Variants in SYDE2 observed in about 807,000 individuals in gnomAD.
SYDE2 encodes rho GTPase-activating protein SYDE2.
Under a neutral mutation model 91.5 loss-of-function variants are expected in SYDE2, and 76 were observed. The observed-to-expected ratio is 0.83, with a 90% confidence interval of 0.69 to 1.01. The LOEUF (loss-of-function observed/expected upper bound fraction) is 1.01, where lower values mean the gene tolerates loss of function less well. Among genes scored for constraint, SYDE2 ranks in the 50% least tolerant of loss-of-function variants. The probability of loss-of-function intolerance (pLI) is 0.00; values close to 1 mark genes in which losing one functional copy is unlikely to be tolerated. For synonymous variants in SYDE2, 513 were observed against 506.4 expected (o/e 1.01, Z -0.18); for missense variants, 1,364 against 1,367.7 (o/e 1.00, Z 0.04).
Position 85,190,527 on chromosome 1 carries a change from T to G in SYDE2, c.971A>C (p.His324Pro). 1.2e-6 allele frequency: 2 copies of G among 1,614,028 alleles called. No individual in the cohort carries two copies. The highest frequency in any genetic ancestry group is 2.2e-5 in the South Asian group (2 of 91,086). Residue 324 changes from histidine to proline, a missense_variant, in exon 2 of 7, where the codon CAT (histidine) becomes CCT (proline). Physicochemically the swap from His to Pro is moderately conservative, Grantham distance 77. Transcript: ENST00000341460. ...LSISPVSLPK[H>P]QLSQSFLKSS... ...TTTGAGGAAAGACTGTGATAGCTGATGTTTAGGTAGAGACACAGGTGAGAT... is the reference window on the plus strand; with the variant it reads ...TTTGAGGAAAGACTGTGATAGCTGAGGTTTAGGTAGAGACACAGGTGAGAT...
chr1:85,163,452 T>C (rs1161857598), intron 6 of SYDE2, among the ~76,000 whole-genome samples: 1 of 108,346 alleles, frequency 9.2e-6, no homozygotes, highest in Non-Finnish European at 1.7e-5. Flanking sequence ...AATCTATATA[T>C]ATATATATAT....
At chr1:85,174,758 A>G (rs1167097051) in intron 4 of SYDE2, among the ~76,000 whole-genome samples, 1 of 152,108 alleles carries the variant, frequency 6.6e-6, no homozygotes, top group African/African-American at 2.4e-5. Flanking sequence ...TGCTAAGTCT[A>G]TGACCATTCC....
chr1:85,200,409 G>C lies in SYDE2; in HGVS notation c.588C>G (p.Tyr196Ter). The change falls in exon 1 of 7, where the codon TAC becomes TAG. Residue 196 changes from tyrosine to a stop codon, truncating the protein, a stop_gained. Coordinates refer to ENST00000341460, the MANE Select transcript of SYDE2 (RefSeq NM_032184.2). LOFTEE classifies it high-confidence loss of function. The part of the protein sequence containing the change: ...VTVKKLQKWM[Y>*]KGRLLSLGMK... ...TTCCCAGGGACAGCAGACGCCCTTT[G>C]TACATCCACTTCTGCAGCTTCTTGA... is the stretch of plus-strand genomic sequence containing the variant. 1 of 1,614,034 alleles carries C rather than the reference G, an allele frequency of 6.2e-7. No individual in the cohort carries two copies. The highest frequency in any genetic ancestry group is 2.2e-5 in the East Asian group (1 of 44,872).
chr1:85,189,266 CG>C (rs1442595672), intron 2 of SYDE2, among the ~76,000 whole-genome samples: 3 of 152,090 alleles, frequency 2.0e-5, no homozygotes, highest in Non-Finnish European at 2.9e-5. Context: ...TACTGTAGCA[CG>C]TATTTGCAAG....
At chr1:85,179,121 G>A (rs557826298) in intron 3 of SYDE2, among the ~76,000 whole-genome samples, 2 of 152,290 alleles carry the variant, frequency 1.3e-5, no homozygotes, top group South Asian at 4.1e-4. Context: ...AAAAAAACTT[G>A]AGGAGAGAAT....
chr1:85,168,155 G>C (rs1476399668), intron 5 of SYDE2, among the ~76,000 whole-genome samples: 1 of 151,726 alleles, frequency 6.6e-6, no homozygotes, highest in Non-Finnish European at 1.5e-5. Context: ...TGGGAAACCA[G>C]TATCTCTACT....
At chr1:85,154,835 G>A (rs184926832), downstream of SYDE2, among the ~76,000 whole-genome samples, 2 of 151,986 alleles carry the variant, frequency 1.3e-5, no homozygotes, top group East Asian at 3.9e-4. Flanking sequence ...AGAAAAATGA[G>A]TTTGAACATA....
At position 85,200,941 on chromosome 1, in the gene SYDE2, T is replaced by G; in HGVS notation, c.56A>C (p.Asp19Ala). 7.6e-7 allele frequency: 1 copy of G among 1,320,818 alleles called. No homozygotes were observed. The allele number at this position is 1,320,818 out of a possible 1,614,324, so 81.8% of individuals were successfully genotyped here. A position where few individuals can be genotyped will look rare whatever the true frequency, so the allele number is the denominator to read the frequency against. ...CCGGGCTCCCGCGGGGAAGCTGTGATCCGCCAAGCCCCTGCCGCCCCGCCG... is the reference window on the plus strand; with the variant it reads ...CCGGGCTCCCGCGGGGAAGCTGTGAGCCGCCAAGCCCCTGCCGCCCCGCCG... Reference protein sequence around the residue: ...GARRGGRGLADHSFPAGARAP... With the variant: ...GARRGGRGLAAHSFPAGARAP... Residue 19 changes from aspartate to alanine, a missense_variant, in exon 1 of 7, where the codon GAT becomes GCT. By Grantham distance (126) the Asp-to-Ala change is moderately radical. Coordinates refer to ENST00000341460, the MANE Select transcript of SYDE2 (RefSeq NM_032184.2).
chr1:85,165,707 G>A (rs889108687), intron 5 of SYDE2, among the ~76,000 whole-genome samples: 1 of 151,584 alleles, frequency 6.6e-6, no homozygotes, highest in Non-Finnish European at 1.5e-5. Flanking sequence ...ACTAGTAAGG[G>A]GAGTTGGCTC....
chr1:85,190,093 C>T lies in SYDE2; in HGVS notation c.1405G>A (p.Val469Met), dbSNP rs769112769. 3.7e-6 allele frequency: 6 copies of T among 1,613,528 alleles called. No individual in the cohort carries two copies. In the Admixed American group the frequency reaches 1.0e-4, roughly 27 times the overall value. ...GATTTCAACATGGGACTGTCCTCCA[C>T]CATTATACCTTCTTGTGTCTTGTGT... The part of the protein sequence containing the change: ...LGHKTQEGIM[V>M]EDSPMLKSPF... The change falls in exon 2 of 7, where the codon GTG becomes ATG. Residue 469 changes from valine to methionine, a missense_variant. Transcript: ENST00000341460.
intron 4 of SYDE2, among the ~76,000 whole-genome samples, 169 bp downstream of exon 4, chr1:85,177,977 T>C (rs991991077): frequency 5.3e-5 from 8 of 152,188 alleles, no homozygotes; most frequent in African/African-American, 1.9e-4. Flanking sequence ...CAAGGGACCA[T>C]AGCTTAATAC....
chr1:85,170,834 A>C (rs1380859253), intron 4 of SYDE2, among the ~76,000 whole-genome samples: 1 of 152,182 alleles, frequency 6.6e-6, no homozygotes. Flanking sequence ...TTACAGATGG[A>C]TACTAGAATT....
At chr1:85,160,291 T>C in intron 6 of SYDE2, 1 of 934,704 alleles carries the variant, frequency 1.1e-6, no homozygotes, top group Non-Finnish European at 1.3e-6. Flanking sequence ...TAAAAACATA[T>C]ATATGGTTCT....
Position 85,160,537 on chromosome 1 carries a change from T to C in SYDE2, c.3086-1288A>G, listed in dbSNP as rs1657021858. 1.5e-5 allele frequency: 15 copies of C among 975,584 alleles called. No individual in the cohort carries two copies. In the South Asian group the frequency reaches 5.7e-4, roughly 37 times the overall value. 60.4% of individuals were successfully genotyped at this position (975,584 alleles called of 1,614,324 possible). ...TTGATCTTTAATGTTAGTATTAATA[T>C]AGAATGGTCCATACCATCAACTGAT... On this transcript the variant is annotated intron_variant, in intron 6 of 6. Coordinates refer to ENST00000341460, the MANE Select transcript of SYDE2 (RefSeq NM_032184.2).
intron 1 of SYDE2, among the ~76,000 whole-genome samples, chr1:85,197,728 C>T (rs888792406): frequency 6.6e-6 from 1 of 152,122 alleles, no homozygotes; most frequent in Non-Finnish European, 1.5e-5. Context: ...GATCTTGGCT[C>T]ACTGCAAGCT....
At position 85,182,106 on chromosome 1, in the gene SYDE2, C is replaced by T; in HGVS notation, c.2536G>A (p.Gly846Ser). The part of the protein sequence containing the change: ...QKCIMEIEKR[G>S]CQVVGLYRLC... Reference sequence around the variant, plus strand: ...CCATAGTAAGATAATACCTGACAGCCTCTCTTTTCAATTTCCATAATACAT... The same window carrying T: ...CCATAGTAAGATAATACCTGACAGCTTCTCTTTTCAATTTCCATAATACAT... Residue 846 changes from glycine (G) to serine (S), a missense_variant, in exon 3 of 7, where the codon GGC (glycine) becomes AGC (serine). Coordinates refer to ENST00000341460, the MANE Select transcript of SYDE2 (RefSeq NM_032184.2). 1 of 1,583,788 alleles carries T rather than the reference C, an allele frequency of 6.3e-7. No individual in the cohort carries two copies. Among genetic ancestry groups the T allele is most frequent in the Non-Finnish European group, 8.6e-7 (1 of 1,168,952 alleles).
intron 1 of SYDE2, among the ~76,000 whole-genome samples, chr1:85,195,053 G>A (rs1570278583): frequency 3.3e-5 from 5 of 152,042 alleles, no homozygotes; most frequent in South Asian, 4.1e-4. Flanking sequence ...CCAGCTACTC[G>A]GGAGGCTGAG....
chr1:85,166,338 C>G (rs1314384101), intron 5 of SYDE2, among the ~76,000 whole-genome samples: 1 of 125,180 alleles, frequency 8.0e-6, no homozygotes, highest in Non-Finnish European at 1.7e-5. Context: ...GACTCCGTCT[C>G]AAAAAAAAAA....
At chr1:85,192,427 T>C (rs1658406095) in intron 1 of SYDE2, among the ~76,000 whole-genome samples, 1 of 152,020 alleles carries the variant, frequency 6.6e-6, no homozygotes, top group Non-Finnish European at 1.5e-5. Flanking sequence ...AATGAATAAA[T>C]ATATTTTTCC....
Sources: gnomAD v4.1 joint callset for allele counts (sites outside exome capture counted in the v4.1 genomes callset) on GRCh38, gnomAD v4.1.1 for gene constraint, MANE v1.5 for transcripts, NCBI Gene and HGNC (gene_info 2026-07-23, HGNC 2026-07-21) for gene names.